UBE2D1: variants seen among roughly 807,000 people sequenced by gnomAD.
UBE2D1 encodes the protein ubiquitin-conjugating enzyme E2 D1.
UBE2D1 carries 9 observed loss-of-function variants against 24.6 expected under a neutral mutation model. The observed-to-expected ratio is 0.37, with a 90% confidence interval of 0.22 to 0.64. The LOEUF is 0.64. Ranked by LOEUF, UBE2D1 falls within the 30% of genes least tolerant of loss-of-function variation. The pLI is 0.64. For synonymous variants in UBE2D1, 57 were observed against 57.6 expected, an observed-to-expected ratio of 0.99 and a Z score of 0.04; for missense variants, 87 against 177.1, an observed-to-expected ratio of 0.49 and a Z score of 2.89.
chr10:58,353,361 C>T (rs1335379856), intron 1 of UBE2D1, among the ~76,000 whole-genome samples: 1 of 152,122 alleles, frequency 6.6e-6, no homozygotes, highest in Admixed American at 6.6e-5. Flanking sequence ...CTGTCCACGC[C>T]ACAGACTGCA....
chr10:58,337,000 G>T (rs1197788225), intron 1 of UBE2D1, among the ~76,000 whole-genome samples: 1 of 152,130 alleles, frequency 6.6e-6, no homozygotes, highest in Non-Finnish European at 1.5e-5. Context: ...AAAGAAATAT[G>T]AACATTATTT....
intron 1 of UBE2D1, among the ~76,000 whole-genome samples, chr10:58,336,567 T>G (rs944501280): frequency 6.6e-6 from 1 of 152,208 alleles, no homozygotes; most frequent in Admixed American, 6.5e-5. Context: ...AAACATACAG[T>G]TAACAATCAG....
At chr10:58,343,431 A>G (rs1377897458) in intron 1 of UBE2D1, among the ~76,000 whole-genome samples, 1 of 152,178 alleles carries the variant, frequency 6.6e-6, no homozygotes, top group Non-Finnish European at 1.5e-5. Flanking sequence ...AATCTTTTTC[A>G]TATTATAAAT....
At chr10:58,345,826 A>C (rs1225133415) in intron 1 of UBE2D1, among the ~76,000 whole-genome samples, 1 of 152,108 alleles carries the variant, frequency 6.6e-6, no homozygotes, top group Non-Finnish European at 1.5e-5. Flanking sequence ...GGAAATGAAG[A>C]CACTAGAATA....
chr10:58,335,670 G>C (rs2132310199), intron 1 of UBE2D1, among the ~76,000 whole-genome samples: 1 of 152,326 alleles, frequency 6.6e-6, no homozygotes, highest in Non-Finnish European at 1.5e-5. Context: ...CAAGGAAGGT[G>C]GGGTGGGCCT....
chr10:58,360,432 A>G (rs925550505), intron 1 of UBE2D1, among the ~76,000 whole-genome samples: 2 of 116,006 alleles, frequency 1.7e-5, no homozygotes, highest in Middle Eastern at 4.3e-3. Flanking sequence ...CTGTTAGAGG[A>G]AAAAAAAAAA....
intron 1 of UBE2D1, among the ~76,000 whole-genome samples, chr10:58,342,660 CTT>C (rs1564557762): frequency 6.6e-6 from 1 of 151,972 alleles, no homozygotes; most frequent in African/African-American, 2.4e-5. Context: ...CTTTTTATCT[CTT>C]CTTTGACCCT....
At chr10:58,341,496 C>T (rs1337023730) in intron 1 of UBE2D1, among the ~76,000 whole-genome samples, 2 of 151,736 alleles carry the variant, frequency 1.3e-5, no homozygotes, top group Non-Finnish European at 2.9e-5. Flanking sequence ...CTTTCTTCAT[C>T]GCAATAGAGG....
chr10:58,363,719 A>G (rs568974105), intron 4 of UBE2D1, 33 bp downstream of exon 4: 1 of 1,463,162 alleles, frequency 6.8e-7, no homozygotes. Context: ...TGTGACTCCC[A>G]TGTAAGAGAT....
chr10:58,338,594 AC>A (rs1169892867), intron 1 of UBE2D1, among the ~76,000 whole-genome samples: 2 of 152,320 alleles, frequency 1.3e-5, no homozygotes, highest in South Asian at 4.1e-4. Context: ...TACTTGAAAC[AC>A]TTTTTTTGGG....
Position 58,349,818 on chromosome 10 carries a change from G to T in UBE2D1, c.25-11520G>T, listed in dbSNP as rs151317013. Reference sequence around the variant, plus strand: ...CTTCTCCCTTCTTAGCTTTACCTCTGTCGTCAAGGTAAATCACTATTCTAA... The same window carrying T: ...CTTCTCCCTTCTTAGCTTTACCTCTTTCGTCAAGGTAAATCACTATTCTAA... On this transcript the variant is annotated intron_variant, in intron 1 of 6. Coordinates refer to ENST00000373910, the MANE Select transcript of UBE2D1 (RefSeq NM_003338.5). Among the ~76,000 whole-genome samples, 42 of 152,186 alleles carry T rather than the reference G, an allele frequency of 2.8e-4. No individual in the cohort carries two copies. The East Asian group carries it at 7.7e-3, about 28-fold the overall frequency.
chr10:58,362,743 A>G (rs1840214008), intron 3 of UBE2D1, among the ~76,000 whole-genome samples: 1 of 152,104 alleles, frequency 6.6e-6, no homozygotes, highest in Non-Finnish European at 1.5e-5. Flanking sequence ...TAAACAATAT[A>G]TATAGTAAGA....
At chr10:58,335,672 G>T (rs1055399943) in intron 1 of UBE2D1, among the ~76,000 whole-genome samples, 10 of 152,232 alleles carry the variant, frequency 6.6e-5, no homozygotes, top group Non-Finnish European at 1.5e-4. Context: ...AGGAAGGTGG[G>T]GTGGGCCTGC....
In UBE2D1 at chr10:58,370,091, A is replaced by C. The variant is rs1330843794; in HGVS notation, c.*1326A>C. ...TATAGAAGTTACAAAGGAAGTTCTA[A>C]AATTATGCCTCCCTCTGTTTTTATA... is the stretch of plus-strand genomic sequence containing the variant. On this transcript the variant is annotated 3_prime_UTR_variant, in exon 7 of 7. Coordinates refer to ENST00000373910, the MANE Select transcript of UBE2D1 (RefSeq NM_003338.5). 2 of 151,950 alleles carry C rather than the reference A, an allele frequency of 1.3e-5. No homozygotes were observed. Among genetic ancestry groups the C allele is most frequent in the African/African-American group, 4.8e-5 (2 of 41,420 alleles). 9.4% of individuals were successfully genotyped at this position (151,950 alleles called of 1,614,324 possible).
At chr10:58,347,628 TA>T (rs1239619157) in intron 1 of UBE2D1, among the ~76,000 whole-genome samples, 1 of 149,808 alleles carries the variant, frequency 6.7e-6, no homozygotes, top group Non-Finnish European at 1.5e-5. Context: ...GCTTTTATTC[TA>T]AATTACACTC....
chr10:58,342,633 G>C (rs1024688045), intron 1 of UBE2D1, among the ~76,000 whole-genome samples: 1 of 151,966 alleles, frequency 6.6e-6, no homozygotes, highest in Non-Finnish European at 1.5e-5. Flanking sequence ...TAAATTTAAA[G>C]ATATTTTCTA....
chr10:58,360,977 C>T, intron 1 of UBE2D1: 1 of 462,002 alleles, frequency 2.2e-6, no homozygotes, highest in Middle Eastern at 3.3e-4. Context: ...TTCATGCTCC[C>T]TCAATAGATT....
intron 3 of UBE2D1, 66 bp downstream of exon 3, chr10:58,361,592 T>C: frequency 1.3e-6 from 2 of 1,599,558 alleles, no homozygotes; most frequent in East Asian, 4.5e-5. Flanking sequence ...CATTTCACCT[T>C]TGATCAGATG....
chr10:58,361,729 T>G (rs774478061), intron 3 of UBE2D1, among the ~76,000 whole-genome samples: 18 of 152,116 alleles, frequency 1.2e-4, no homozygotes, highest in South Asian at 2.1e-4. Flanking sequence ...TATGTTTTCC[T>G]TTGCTGAATC....
Sources: allele counts gnomAD v4.1 joint callset (sites outside exome capture counted in the v4.1 genomes callset), GRCh38; gene constraint gnomAD v4.1.1; transcripts MANE v1.5; gene names NCBI Gene and HGNC (gene_info 2026-07-23, HGNC 2026-07-21).